Variants in PACSIN2 observed in about 807,000 individuals in gnomAD.
PACSIN2 encodes protein kinase C and casein kinase substrate in neurons protein 2.
PACSIN2 carries 25 observed loss-of-function variants against 63.8 expected under a neutral mutation model. That is an observed-to-expected ratio of 0.39 (90% CI 0.29 to 0.55). PACSIN2 has a LOEUF of 0.55. Ranked by LOEUF, PACSIN2 falls within the 20% of genes least tolerant of loss-of-function variation. PACSIN2 has a pLI of 0.62. For missense variants in PACSIN2, 518 were observed against 646.9 expected (o/e 0.80, Z 2.16); for synonymous variants, 255 against 256.2 (o/e 1.00, Z 0.05).
intron 1 of PACSIN2, among the ~76,000 whole-genome samples, chr22:42,976,891 G>A (rs1311054744): frequency 2.0e-5 from 3 of 152,146 alleles, no homozygotes; most frequent in Non-Finnish European, 4.4e-5. Flanking sequence ...GCAGGACTGG[G>A]GCAAACCATG....
At chr22:42,989,314 T>C (rs1410103350) in intron 1 of PACSIN2, among the ~76,000 whole-genome samples, 10 of 145,588 alleles carry the variant, frequency 6.9e-5, no homozygotes, top group East Asian at 4.1e-4. Flanking sequence ...CTGGCCAACA[T>C]GATGAAACCC....
intron 2 of PACSIN2, among the ~76,000 whole-genome samples, chr22:42,895,089 C>T (rs3091382): frequency 0.42 from 64,024 of 152,016 alleles, 14,109 homozygotes; most frequent in Non-Finnish European, 0.48. Context: ...ATGAGACTTC[C>T]GGCTCTACTC....
intron 4 of PACSIN2, 79 bp from the exon 5 acceptor site, chr22:42,888,877 A>C: frequency 1.4e-6 from 2 of 1,439,654 alleles, no homozygotes; most frequent in South Asian, 2.3e-5. Flanking sequence ...GACCATGGGA[A>C]TGCTTGTGCT....
chr22:42,985,409 C>T (rs925307494), intron 1 of PACSIN2, among the ~76,000 whole-genome samples: 6 of 152,230 alleles, frequency 3.9e-5, no homozygotes, highest in East Asian at 1.9e-4. Flanking sequence ...ATGGGCTCCA[C>T]GTTCTGCCCA....
intron 2 of PACSIN2, among the ~76,000 whole-genome samples, chr22:42,911,544 C>G (rs1931459432): frequency 6.6e-6 from 1 of 152,114 alleles, no homozygotes; most frequent in Admixed American, 6.5e-5. Flanking sequence ...CTCATGGGTA[C>G]AGACTGGCGG....
At chr22:42,895,459 T>C (rs1930212529) in intron 2 of PACSIN2, among the ~76,000 whole-genome samples, 1 of 152,176 alleles carries the variant, frequency 6.6e-6, no homozygotes, top group Non-Finnish European at 1.5e-5. Flanking sequence ...AAATTGGTAA[T>C]CACCATCAAA....
At chr22:42,884,282 G>C (rs897756624) in intron 6 of PACSIN2, 104 bp downstream of exon 6, 3 of 1,064,450 alleles carry the variant, frequency 2.8e-6, no homozygotes, top group African/African-American at 3.2e-5. Context: ...GAGACCTCCT[G>C]ATGAACGCGC....
intron 1 of PACSIN2, among the ~76,000 whole-genome samples, chr22:42,953,587 T>A (rs1260435234): frequency 6.6e-6 from 1 of 152,222 alleles, no homozygotes; most frequent in African/African-American, 2.4e-5. Flanking sequence ...ATGAGAGCTC[T>A]CAGCTACAAT....
chr22:42,937,785 G>C, intron 1 of PACSIN2, among the ~76,000 whole-genome samples: 1 of 152,284 alleles, frequency 6.6e-6, no homozygotes, highest in East Asian at 1.9e-4. Flanking sequence ...ATGCAGCTCC[G>C]AGAACAGCAA....
intron 1 of PACSIN2, among the ~76,000 whole-genome samples, chr22:42,947,862 G>A (rs928449482): frequency 2.6e-5 from 4 of 152,210 alleles, no homozygotes; most frequent in African/African-American, 9.7e-5. Context: ...TGGCCAGGGA[G>A]AAGGTGACTG....
At position 42,963,815 on chromosome 22, in the gene PACSIN2, C is replaced by T. The variant is rs181820379; in HGVS notation, c.-78+51206G>A. On this transcript the variant is annotated intron_variant, in intron 1 of 10. Transcript: ENST00000263246. ...AAAATCAAGATATTTGGCAAAAGGTCGTGTCATTTGGAAACAATAAAATTT... is the reference window on the plus strand; with the variant it reads ...AAAATCAAGATATTTGGCAAAAGGTTGTGTCATTTGGAAACAATAAAATTT... Among the ~76,000 whole-genome samples the T allele has an allele frequency of 4.7e-5, 7 of 148,224 alleles. No homozygotes were observed. The East Asian group carries it at 1.0e-3, about 21-fold the overall frequency.
chr22:42,909,407 A>G (rs1054665820), intron 2 of PACSIN2: 9 of 403,862 alleles, frequency 2.2e-5, no homozygotes, highest in African/African-American at 1.9e-4. Flanking sequence ...TTCCATGGGA[A>G]AGAGGAACTT....
chr22:42,998,265 T>C (rs1432649849), intron 1 of PACSIN2, among the ~76,000 whole-genome samples: 2 of 152,170 alleles, frequency 1.3e-5, no homozygotes, highest in Non-Finnish European at 2.9e-5. Context: ...ACCGTGAATA[T>C]AGGAACCTTC....
At chr22:42,967,374 A>G (rs967029448) in intron 1 of PACSIN2, among the ~76,000 whole-genome samples, 1 of 152,188 alleles carries the variant, frequency 6.6e-6, no homozygotes, top group Non-Finnish European at 1.5e-5. Flanking sequence ...AAGGCCGCCA[A>G]CTTTATTTTG....
At chr22:42,998,804 C>A (rs994777185) in intron 1 of PACSIN2, among the ~76,000 whole-genome samples, 1 of 152,082 alleles carries the variant, frequency 6.6e-6, no homozygotes, top group Non-Finnish European at 1.5e-5. Context: ...CATCCTGTGC[C>A]CATATAAAAC....
intron 1 of PACSIN2, among the ~76,000 whole-genome samples, chr22:42,913,862 A>G (rs981937975): frequency 6.6e-6 from 1 of 152,166 alleles, no homozygotes; most frequent in Admixed American, 6.5e-5. Flanking sequence ...TCCAAAAACA[A>G]TCTCAAAGTT....
chr22:42,996,583 T>C (rs1404032670), intron 1 of PACSIN2, among the ~76,000 whole-genome samples: 1 of 149,544 alleles, frequency 6.7e-6, no homozygotes, highest in African/African-American at 2.5e-5. Flanking sequence ...ACACTTGTAA[T>C]TTGGGAGGGT....
At chr22:43,014,761 C>G (rs905082211) in intron 1 of PACSIN2, among the ~76,000 whole-genome samples, 7 of 151,658 alleles carry the variant, frequency 4.6e-5, no homozygotes, top group African/African-American at 1.7e-4. Context: ...CCCCATGGGC[C>G]CCCGCCCCTT....
intron 1 of PACSIN2, among the ~76,000 whole-genome samples, chr22:42,952,344 A>T (rs1229337613): frequency 2.0e-5 from 3 of 151,374 alleles, no homozygotes; most frequent in Non-Finnish European, 4.4e-5. Flanking sequence ...TTATTTATTT[A>T]TTTTTTATTT....
Sources: gnomAD v4.1 joint callset for allele counts (sites outside exome capture counted in the v4.1 genomes callset) on GRCh38, gnomAD v4.1.1 for gene constraint, MANE v1.5 for transcripts, NCBI Gene and HGNC (gene_info 2026-07-23, HGNC 2026-07-21) for gene names.